Variants in NBAS observed in about 807,000 individuals in gnomAD.
NBAS encodes the protein NBAS subunit of NRZ tethering complex, also known as NAG/BC035112 fusion.
In NBAS, 219 loss-of-function variants were observed where a neutral mutation model predicts 302.5. The observed-to-expected ratio is 0.72, with a 90% CI of 0.65 to 0.81. The LOEUF (loss-of-function observed/expected upper bound fraction) is 0.81. Among genes scored for constraint, NBAS ranks in the 30% least tolerant of loss-of-function variants. The pLI, the probability that NBAS is intolerant of heterozygous loss-of-function variation, is 0.00. For missense variants in NBAS, 2,932 were observed against 2,841.6 expected (o/e 1.03, Z -0.72); for synonymous variants, 1,118 against 1,021.6 (o/e 1.09, Z -1.80).
chr2:15,536,413 T>C lies in NBAS; in HGVS notation c.647+5A>G. The C allele has an allele frequency of 6.2e-7, 1 of 1,613,054 alleles. No individual in the cohort carries two copies. The highest frequency in any genetic ancestry group is 8.5e-7 in the Non-Finnish European group (1 of 1,179,822). On this transcript the variant is annotated splice_donor_5th_base_variant and intron_variant, in intron 8 of 51. Coordinates refer to ENST00000281513, the MANE Select transcript of NBAS (RefSeq NM_015909.4). ...TCAAATATGGCTTCCAAAGCACATT[T>C]TTACCTTACAAGGTAACTTCTAAGT...
Position 15,369,331 on chromosome 2 carries a change from C to A in NBAS, c.3704-2638G>T, listed in dbSNP as rs572816066. On this transcript the variant is annotated intron_variant, in intron 31 of 51. Coordinates refer to ENST00000281513, the MANE Select transcript of NBAS (RefSeq NM_015909.4). ...ATAAACTCAAGGTAGAGAACTGAAA[C>A]CACACATAGCAATGGATCATGATTT... 2.0e-5 allele frequency among the ~76,000 whole-genome samples: 3 copies of A among 152,204 alleles called. No individual in the cohort carries two copies. The East Asian group carries it at 5.8e-4, about 29-fold the overall frequency.
At chr2:15,464,008 G>A (rs1346969876) in intron 19 of NBAS, among the ~76,000 whole-genome samples, 1 of 152,080 alleles carries the variant, frequency 6.6e-6, no homozygotes, top group Non-Finnish European at 1.5e-5. Flanking sequence ...TAGAAACATG[G>A]AGAATAAAAG....
intron 9 of NBAS, among the ~76,000 whole-genome samples, chr2:15,512,148 T>C (rs1237591850): frequency 6.6e-6 from 1 of 152,226 alleles, no homozygotes; most frequent in Non-Finnish European, 1.5e-5. Flanking sequence ...GAAAAATTTA[T>C]GTTTCTACAT....
chr2:15,458,944 A>G (rs1679379133), intron 21 of NBAS, among the ~76,000 whole-genome samples: 1 of 152,244 alleles, frequency 6.6e-6, no homozygotes, highest in South Asian at 2.1e-4. Context: ...TCCCCAAACA[A>G]TGATTCAAAA....
chr2:15,080,026 C>A, the NBAS span, among the ~76,000 whole-genome samples: 4 of 152,254 alleles, frequency 2.6e-5, no homozygotes, highest in South Asian at 8.3e-4. Context: ...TACAATCTGA[C>A]CTTATAGGTT....
chr2:15,167,624 A>G (rs961135885), intron 51 of NBAS, among the ~76,000 whole-genome samples: 1 of 152,204 alleles, frequency 6.6e-6, no homozygotes, highest in South Asian at 2.1e-4. Context: ...CTTCTGATTC[A>G]ACCCCGTGAC....
At chr2:15,059,697 G>A in the NBAS span, among the ~76,000 whole-genome samples, 2 of 152,158 alleles carry the variant, frequency 1.3e-5, no homozygotes, top group Non-Finnish European at 2.9e-5. Context: ...TTGGAGAGAG[G>A]TCTAGATTCT....
At chr2:15,559,960 A>C (rs1664834604) in intron 1 of NBAS, among the ~76,000 whole-genome samples, 2 of 152,212 alleles carry the variant, frequency 1.3e-5, no homozygotes, top group African/African-American at 4.8e-5. Flanking sequence ...TTAAACAGTA[A>C]TATATGCAGA....
intron 49 of NBAS, 40 bp downstream of exon 49, chr2:15,190,224 A>G (rs746433145): frequency 6.8e-6 from 11 of 1,611,266 alleles, no homozygotes; most frequent in Non-Finnish European, 9.3e-6. Flanking sequence ...AAGTCCAAAC[A>G]AAAGAACTCT....
Position 15,534,536 on chromosome 2 carries a change from T to A in NBAS, c.746+7A>T, listed in dbSNP as rs1382920101. 6.4e-7 allele frequency: 1 copy of A among 1,573,382 alleles called. No individual in the cohort carries two copies. Among genetic ancestry groups the A allele is most frequent in the Non-Finnish European group, 8.8e-7 (1 of 1,142,310 alleles). ...CCCACTAAATATGAGAACAAATGGTTACTTACCTGTGACCAGGGTGGTAAA... is the reference window on the plus strand; with the variant it reads ...CCCACTAAATATGAGAACAAATGGTAACTTACCTGTGACCAGGGTGGTAAA... On this transcript the variant is annotated splice_region_variant and intron_variant, in intron 9 of 51. Coordinates refer to ENST00000281513, the MANE Select transcript of NBAS (RefSeq NM_015909.4).
the NBAS span, among the ~76,000 whole-genome samples, chr2:14,917,580 AT>A: frequency 1.3e-5 from 2 of 152,226 alleles, no homozygotes; most frequent in Non-Finnish European, 2.9e-5. Context: ...AGCAGAGATT[AT>A]TGAGGGTCAC....
In NBAS at chr2:15,466,936, C is replaced by CAAA. The variant is rs35850907; in HGVS notation, c.2097+390_2097+392dup. Among the ~76,000 whole-genome samples, 592 of 133,064 alleles carry CAAA rather than the reference C, an allele frequency of 4.4e-3. 5 individuals carry two copies. The highest frequency in any genetic ancestry group is 8.3e-3 in the Admixed American group (111 of 13,328). 87.3% of individuals were successfully genotyped at this position (133,064 alleles called of 152,430 possible). On this transcript the variant is annotated intron_variant, in intron 19 of 51. Coordinates refer to ENST00000281513, the MANE Select transcript of NBAS (RefSeq NM_015909.4). Reference sequence around the variant, plus strand: ...TGGAGAACAGAGTGAGATCCTATCTCAAAAAAAAAAAAAAATCACTAAAAT... The same window carrying CAAA: ...TGGAGAACAGAGTGAGATCCTATCTCAAAAAAAAAAAAAAAAAATCACTAAAAT...
intron 28 of NBAS, among the ~76,000 whole-genome samples, chr2:15,385,924 A>T (rs918011716): frequency 6.6e-6 from 1 of 152,238 alleles, no homozygotes; most frequent in African/African-American, 2.4e-5. Flanking sequence ...TAGGTAATCT[A>T]GCAGCAATTG....
At chr2:15,281,250 G>C (rs753900628) in intron 42 of NBAS, among the ~76,000 whole-genome samples, 2 of 152,098 alleles carry the variant, frequency 1.3e-5, no homozygotes, top group Non-Finnish European at 2.9e-5. Context: ...ATTTCTCATA[G>C]AATGTCAATT....
At chr2:15,050,336 T>C in the NBAS span, among the ~76,000 whole-genome samples, 1 of 152,030 alleles carries the variant, frequency 6.6e-6, no homozygotes, top group Admixed American at 6.6e-5. Flanking sequence ...CCAGATCCAA[T>C]CTCTGCTATG....
the NBAS span, among the ~76,000 whole-genome samples, chr2:14,928,278 G>A: frequency 6.6e-6 from 1 of 152,292 alleles, no homozygotes; most frequent in East Asian, 1.9e-4. Context: ...AGTGAACACA[G>A]CATGACTGGA....
At chr2:15,405,189 A>G (rs566885200) in intron 25 of NBAS, among the ~76,000 whole-genome samples, 1 of 152,290 alleles carries the variant, frequency 6.6e-6, no homozygotes, top group South Asian at 2.1e-4. Flanking sequence ...AGATGTCTAC[A>G]GTCCTGGAGT....
At chr2:14,798,059 C>T in the NBAS span, among the ~76,000 whole-genome samples, 2 of 151,906 alleles carry the variant, frequency 1.3e-5, no homozygotes, top group African/African-American at 4.8e-5. Flanking sequence ...GGGTTTCCTT[C>T]TTCTTTTCTG....
At chr2:15,522,968 C>CA (rs1179262441) in intron 9 of NBAS, among the ~76,000 whole-genome samples, 1 of 152,062 alleles carries the variant, frequency 6.6e-6, no homozygotes, top group Non-Finnish European at 1.5e-5. Flanking sequence ...CTGTATTTAT[C>CA]AATACTGTAT....
Sources: gnomAD v4.1 joint callset for allele counts (sites outside exome capture counted in the v4.1 genomes callset) on GRCh38, gnomAD v4.1.1 for gene constraint, MANE v1.5 for transcripts, NCBI Gene and HGNC (gene_info 2026-07-23, HGNC 2026-07-21) for gene names.